The following ALS2 variants were observed in gnomAD, a reference collection of about 807,000 sequenced individuals.
The protein encoded by ALS2 is alsin.
In ALS2, 117 loss-of-function variants were observed where a neutral mutation model predicts 203.4. That is an observed-to-expected ratio of 0.58 (90% CI 0.50 to 0.67). The LOEUF (loss-of-function observed/expected upper bound fraction) is 0.67, where lower values mean the gene tolerates loss of function less well. Among genes scored for constraint, ALS2 ranks in the 30% least tolerant of loss-of-function variants. The pLI is 0.00. For missense variants in ALS2, 1,715 were observed against 1,989.4 expected, an observed-to-expected ratio of 0.86 and a Z score of 2.62; for synonymous variants, 718 against 725.9, an observed-to-expected ratio of 0.99 and a Z score of 0.17.
At chr2:201,702,020 G>A in intron 33 of ALS2, 131 bp from the exon 34 acceptor site, 1 of 789,668 alleles carries the variant, frequency 1.3e-6, no homozygotes, top group South Asian at 1.5e-5. Flanking sequence ...AGATTTAATT[G>A]ATTTCACTTT....
rs377574115 is a variant in ALS2, at chr2:201,757,794, T to C, written c.1114-35A>G. The C allele has an allele frequency of 7.6e-6, 11 of 1,449,330 alleles. No homozygotes were observed. In the African/African-American group the frequency reaches 1.4e-4, roughly 19 times the overall value. The allele number at this position is 1,449,330 out of a possible 1,614,324, so 89.8% of individuals were successfully genotyped here. ...ACACACATAAAAAATTATATAAAAA[T>C]ATAATCCCTTATGCAACAAGCAATC... On this transcript the variant is annotated intron_variant, in intron 4 of 33. Coordinates refer to ENST00000264276, the MANE Select transcript of ALS2 (RefSeq NM_020919.4).
intron 10 of ALS2, among the ~76,000 whole-genome samples, chr2:201,743,540 A>T (rs1341736315): frequency 2.6e-5 from 4 of 152,102 alleles, no homozygotes; most frequent in African/African-American, 9.7e-5. Flanking sequence ...GCTGGACTGC[A>T]GTGGTACAAT....
chr2:201,730,017 A>T (rs921109835), intron 13 of ALS2, among the ~76,000 whole-genome samples: 1 of 151,374 alleles, frequency 6.6e-6, no homozygotes, highest in African/African-American at 2.4e-5. Flanking sequence ...TTAATCTGTT[A>T]TATGTTGTTT....
At chr2:201,776,463 T>G (rs1694665985) in intron 1 of ALS2, among the ~76,000 whole-genome samples, 1 of 152,134 alleles carries the variant, frequency 6.6e-6, no homozygotes, top group Non-Finnish European at 1.5e-5. Context: ...TTTAAACACA[T>G]TTTTCAGGAT....
At chr2:201,712,509 C>T (rs1425158897) in intron 25 of ALS2, among the ~76,000 whole-genome samples, 1 of 152,144 alleles carries the variant, frequency 6.6e-6, no homozygotes, top group Non-Finnish European at 1.5e-5. Context: ...CAGCATAAAG[C>T]TCATTTAAAA....
intron 1 of ALS2, among the ~76,000 whole-genome samples, chr2:201,779,338 T>C (rs1229601929): frequency 6.6e-6 from 1 of 152,202 alleles, no homozygotes; most frequent in African/African-American, 2.4e-5. Flanking sequence ...TTAAACAACT[T>C]TGACGTTTTC....
intron 2 of ALS2, among the ~76,000 whole-genome samples, chr2:201,767,724 C>T (rs1003380156): frequency 6.6e-5 from 10 of 150,872 alleles, no homozygotes; most frequent in East Asian, 2.0e-4. Context: ...AAAAATCAGC[C>T]GGGCATGGTG....
intron 20 of ALS2, 152 bp from the exon 21 acceptor site, chr2:201,724,611 C>T: frequency 1.2e-6 from 1 of 844,346 alleles, no homozygotes; most frequent in Non-Finnish European, 1.9e-6. Context: ...AAAAAAACCT[C>T]ATTTTCGAAT....
rs371454893 is a variant in ALS2 at position 201,725,372 on chromosome 2, C to T, written c.3331G>A (p.Gly1111Ser). Residue 1111 changes from glycine (G) to serine (S), a missense_variant, in exon 20 of 34, where the codon GGT becomes AGT. Gly to Ser is a moderately conservative substitution (Grantham distance 56, BLOSUM62 0). Transcript: ENST00000264276. ...VGHWKEGKMC[G>S]QGVYSYASGE... The stretch of plus-strand genomic sequence containing the variant: ...CAATGTTACCTGTAGACTCCTTGAC[C>T]GCACATTTTTCCTTCTTTCCAATGG... The T allele has an allele frequency of 1.0e-4, 168 of 1,613,618 alleles. No individual in the cohort carries two copies. Among genetic ancestry groups the T allele is most frequent in the Admixed American group, 2.8e-4 (17 of 60,006 alleles).
At chr2:201,777,162 T>C (rs1452850484) in intron 1 of ALS2, among the ~76,000 whole-genome samples, 1 of 152,146 alleles carries the variant, frequency 6.6e-6, no homozygotes, top group African/African-American at 2.4e-5. Context: ...GGCCTTATTA[T>C]ACAACTTGCT....
intron 1 of ALS2, among the ~76,000 whole-genome samples, chr2:201,779,482 G>A (rs1694802918): frequency 6.6e-6 from 1 of 152,122 alleles, no homozygotes; most frequent in Non-Finnish European, 1.5e-5. Context: ...AATTACTACA[G>A]AACAACTTGA....
At chr2:201,742,017 C>A (rs1348836078) in intron 10 of ALS2, among the ~76,000 whole-genome samples, 163 bp from the exon 11 acceptor site, 1 of 152,180 alleles carries the variant, frequency 6.6e-6, no homozygotes, top group African/African-American at 2.4e-5. Flanking sequence ...CCTCAAAGAT[C>A]ACAGTATCCA....
intron 1 of ALS2, among the ~76,000 whole-genome samples, chr2:201,774,455 C>T (rs1039377996): frequency 1.3e-5 from 2 of 152,184 alleles, no homozygotes; most frequent in Non-Finnish European, 2.9e-5. Context: ...GTTGTATAGT[C>T]TGTTTCTTTA....
At chr2:201,754,452 G>C (rs41308820) in intron 6 of ALS2, 51 bp downstream of exon 6, 48,068 of 1,610,290 alleles carry the variant, frequency 0.03, 865 homozygotes, top group South Asian at 0.041. Context: ...TCCCAGGAGA[G>C]AGATTATTTG....
intron 4 of ALS2, among the ~76,000 whole-genome samples, chr2:201,758,760 A>ATGTGTG (rs775648737): frequency 0.01 from 1,527 of 150,720 alleles, 34 homozygotes; most frequent in African/African-American, 0.032. Flanking sequence ...GTGTGTGCGC[A>ATGTGTG]TGTGTGTGTG....
chr2:201,755,687 T>C (rs1043613177), intron 5 of ALS2, among the ~76,000 whole-genome samples: 3 of 152,224 alleles, frequency 2.0e-5, no homozygotes, highest in Non-Finnish European at 2.9e-5. Flanking sequence ...GGGAAAAAGA[T>C]TATGAAAGGG....
chr2:201,741,772 C>T lies in ALS2; in HGVS notation c.2253G>A (p.Gln751=), dbSNP rs1201048963. 2 of 1,614,158 alleles carry T rather than the reference C, an allele frequency of 1.2e-6. No homozygotes were observed. Among genetic ancestry groups the T allele is most frequent in the African/African-American group, 2.7e-5 (2 of 75,056 alleles). Residue 751 remains glutamine, a synonymous_variant, in exon 11 of 34, where the codon CAG becomes CAA. Transcript: ENST00000264276. The part of the protein sequence containing the change: ...RFSKLCYLIG[Q]HGASLSSFLH... ...GGAAGCTGCTCAATGAGGCTCCATG[C>T]TGACCAATGAGGTAACACAGCTTGC... is the stretch of plus-strand genomic sequence containing the variant.
At chr2:201,704,708 C>T (rs930494041) in intron 31 of ALS2, 105 bp from the exon 32 acceptor site, 3 of 1,298,530 alleles carry the variant, frequency 2.3e-6, no homozygotes, top group African/African-American at 2.9e-5. Context: ...CATGCCTTAA[C>T]CCGGACACTT....
Position 201,720,539 on chromosome 2 carries a change from C to CAAA in ALS2, c.3703-2332_3703-2330dup, listed in dbSNP as rs34418114. ...GCAACATAGCGAAACTCTGTCTCTA[C>CAAA]AAAAAAAAAAAAAAAAAAAAAAAAA... On this transcript the variant is annotated intron_variant, in intron 23 of 33. Coordinates refer to ENST00000264276, the MANE Select transcript of ALS2 (RefSeq NM_020919.4). Among the ~76,000 whole-genome samples the CAAA allele has an allele frequency of 3.3e-3, 220 of 66,466 alleles. 1 individual carries two copies. The highest frequency in any genetic ancestry group is 7.2e-3 in the East Asian group (18 of 2,508). The allele number at this position is 66,466 out of a possible 152,430, so 43.6% of individuals were successfully genotyped here.
Sources: allele counts gnomAD v4.1 joint callset (sites outside exome capture counted in the v4.1 genomes callset), GRCh38; gene constraint gnomAD v4.1.1; transcripts MANE v1.5; gene names NCBI Gene and HGNC (gene_info 2026-07-23, HGNC 2026-07-21).